PHACTR3: variants seen among roughly 807,000 people sequenced by gnomAD.
PHACTR3 encodes the protein phosphatase and actin regulator 3, also known as protein phosphatase 1, regulatory subunit 123.
Under a neutral mutation model 66.8 loss-of-function variants are expected in PHACTR3, and 16 were observed. That is an observed-to-expected ratio of 0.24 (90% confidence interval 0.16 to 0.36). The LOEUF (loss-of-function observed/expected upper bound fraction) is 0.36. Ranked by LOEUF, PHACTR3 falls within the 10% of genes least tolerant of loss-of-function variation. The pLI is 1.00. For missense variants in PHACTR3, 647 were observed against 719.9 expected (o/e 0.90, Z 1.16); for synonymous variants, 323 against 292.1 (o/e 1.11, Z -1.08).
chr20:59,722,935 GAC>G (rs1391246731), intron 1 of PHACTR3, among the ~76,000 whole-genome samples: 1 of 152,114 alleles, frequency 6.6e-6, no homozygotes, highest in Non-Finnish European at 1.5e-5. Context: ...TGCTGGGAAA[GAC>G]GCCCTGTGGC....
chr20:59,774,619 G>T (rs552735229), intron 7 of PHACTR3, 129 bp downstream of exon 7: 2 of 1,271,912 alleles, frequency 1.6e-6, no homozygotes, highest in Non-Finnish European at 2.1e-6. Flanking sequence ...AGAAACAAGA[G>T]GGGGGCTGTG....
intron 1 of PHACTR3, among the ~76,000 whole-genome samples, chr20:59,607,493 A>G (rs1327649855): frequency 6.6e-6 from 1 of 152,250 alleles, no homozygotes; most frequent in East Asian, 1.9e-4. Flanking sequence ...CTATAATTTA[A>G]TGAAAGAGTC....
intron 1 of PHACTR3, among the ~76,000 whole-genome samples, chr20:59,638,167 C>G (rs903231728): frequency 1.9e-4 from 29 of 152,226 alleles, no homozygotes; most frequent in African/African-American, 7.0e-4. Context: ...GCTGTCTTAG[C>G]ATGTTGAAAG....
chr20:59,739,283 C>T (rs1383639343), intron 1 of PHACTR3, among the ~76,000 whole-genome samples: 1 of 152,126 alleles, frequency 6.6e-6, no homozygotes, highest in Non-Finnish European at 1.5e-5. Context: ...TTGTCTTTCC[C>T]CATGGGGCTG....
chr20:59,795,434 A>G (rs988970461), intron 7 of PHACTR3, among the ~76,000 whole-genome samples: 4 of 151,228 alleles, frequency 2.6e-5, no homozygotes, highest in Admixed American at 6.6e-5. Flanking sequence ...TCCATGTGCA[A>G]TTGAGAAGAA....
chr20:59,804,176 G>C (rs1017907517), intron 7 of PHACTR3, among the ~76,000 whole-genome samples: 2 of 152,146 alleles, frequency 1.3e-5, no homozygotes, highest in Non-Finnish European at 2.9e-5. Flanking sequence ...TTTTTGTTGT[G>C]GTCCTACTGT....
chr20:59,699,692 G>A (rs996639514), intron 1 of PHACTR3, among the ~76,000 whole-genome samples: 7 of 152,076 alleles, frequency 4.6e-5, no homozygotes, highest in Admixed American at 1.3e-4. Context: ...GGCCGGGCGC[G>A]GTGGCTCACA....
intron 12 of PHACTR3, among the ~76,000 whole-genome samples, chr20:59,845,608 T>TA (rs1386466353): frequency 6.6e-6 from 1 of 152,188 alleles, no homozygotes; most frequent in Admixed American, 6.5e-5. Context: ...CTCACCTGTT[T>TA]ATACTTACAG....
intron 7 of PHACTR3, among the ~76,000 whole-genome samples, chr20:59,786,789 T>C (rs1240992226): frequency 6.6e-6 from 1 of 150,824 alleles, no homozygotes; most frequent in Non-Finnish European, 1.5e-5. Context: ...TCTGTGCAGT[T>C]GACAGGTGTT....
At chr20:59,591,441 TTGG>T (rs969583073) in intron 1 of PHACTR3, among the ~76,000 whole-genome samples, 23 of 152,116 alleles carry the variant, frequency 1.5e-4, no homozygotes, top group Non-Finnish European at 5.9e-5. Context: ...TGCGGGGAAC[TTGG>T]TGGGTATTTT....
At chr20:59,730,266 G>A (rs531282716) in intron 1 of PHACTR3, among the ~76,000 whole-genome samples, 13 of 152,312 alleles carry the variant, frequency 8.5e-5, no homozygotes, top group Admixed American at 6.5e-4. Context: ...GGGTAGGAAG[G>A]GTGAGACCAT....
chr20:59,641,220 C>G (rs1007468746), intron 1 of PHACTR3, among the ~76,000 whole-genome samples: 9 of 152,090 alleles, frequency 5.9e-5, no homozygotes, highest in Admixed American at 5.9e-4. Flanking sequence ...ATTCATCCAT[C>G]CATGTATGTA....
At chr20:59,662,568 G>A (rs2035847764) in intron 1 of PHACTR3, among the ~76,000 whole-genome samples, 1 of 152,182 alleles carries the variant, frequency 6.6e-6, no homozygotes, top group Non-Finnish European at 1.5e-5. Flanking sequence ...CATCCTGGTG[G>A]CTTTGTAGCT....
At chr20:59,764,867 C>A (rs1204335421) in intron 4 of PHACTR3, among the ~76,000 whole-genome samples, 1 of 152,216 alleles carries the variant, frequency 6.6e-6, no homozygotes, top group African/African-American at 2.4e-5. Flanking sequence ...CAGGAAGAAA[C>A]TTCCTAGAAG....
chr20:59,770,478 C>A (rs866777587), intron 5 of PHACTR3, among the ~76,000 whole-genome samples: 9 of 152,324 alleles, frequency 5.9e-5, no homozygotes, highest in African/African-American at 2.2e-4. Context: ...AACTGAGTCT[C>A]CACCCAAGGC....
At chr20:59,803,729 C>T (rs183223761) in intron 7 of PHACTR3, among the ~76,000 whole-genome samples, 1 of 152,148 alleles carries the variant, frequency 6.6e-6, no homozygotes, top group African/African-American at 2.4e-5. Context: ...TGGATGTTTA[C>T]GTTGTGTTCA....
At chr20:59,762,606 T>C (rs1395296889) in intron 4 of PHACTR3, among the ~76,000 whole-genome samples, 1 of 152,148 alleles carries the variant, frequency 6.6e-6, no homozygotes, top group African/African-American at 2.4e-5. Flanking sequence ...AGGGCAGATG[T>C]AGTTTGGATT....
At chr20:59,785,193 A>G (rs1461966231) in intron 7 of PHACTR3, among the ~76,000 whole-genome samples, 2 of 152,162 alleles carry the variant, frequency 1.3e-5, no homozygotes, top group South Asian at 2.1e-4. Context: ...CTGAAAGTCC[A>G]AGAACAAGGT....
intron 7 of PHACTR3, among the ~76,000 whole-genome samples, chr20:59,786,811 T>G (rs968936400): frequency 2.7e-5 from 4 of 150,274 alleles, no homozygotes; most frequent in African/African-American, 9.8e-5. Context: ...ACAGAAGTCT[T>G]TTTCTGTGCA....
Sources: gnomAD v4.1 joint callset for allele counts (sites outside exome capture counted in the v4.1 genomes callset) on GRCh38, gnomAD v4.1.1 for gene constraint, MANE v1.5 for transcripts, NCBI Gene and HGNC (gene_info 2026-07-23, HGNC 2026-07-21) for gene names.